The following FAM185A variants were observed in gnomAD, a reference collection of about 807,000 sequenced individuals.
The protein encoded by FAM185A is protein FAM185A.
A neutral mutation model predicts 45.7 loss-of-function variants in FAM185A; 21 were observed. The ratio of observed to expected loss-of-function variants is 0.46; its 90% CI spans 0.33 to 0.66. FAM185A has a LOEUF of 0.66. Ranked by LOEUF, FAM185A falls within the 30% of genes least tolerant of loss-of-function variation. The pLI is 0.03. For missense variants in FAM185A, 305 were observed against 485.4 expected (o/e 0.63, Z 3.49); for synonymous variants, 117 against 194.0 (o/e 0.60, Z 3.30).
intron 5 of FAM185A, among the ~76,000 whole-genome samples, chr7:102,776,099 T>TACACACACACACACACACACACATATAC (rs1360377462): frequency 3.7e-5 from 4 of 106,698 alleles, no homozygotes; most frequent in South Asian, 3.1e-4. Flanking sequence ...TTGGCTCCTA[T>TACACACACACACACACACACACATATAC]ACACACACAC....
chr7:102,758,794 C>T (rs916711023), intron 3 of FAM185A, among the ~76,000 whole-genome samples: 1 of 151,878 alleles, frequency 6.6e-6, no homozygotes, highest in Non-Finnish European at 1.5e-5. Flanking sequence ...TAGACTATAA[C>T]AGTAATTGTT....
intron 1 of FAM185A, among the ~76,000 whole-genome samples, chr7:102,750,343 T>A (rs992200278): frequency 1.3e-5 from 2 of 152,134 alleles, no homozygotes; most frequent in African/African-American, 4.8e-5. Flanking sequence ...ATGGAAGATA[T>A]TGATGATGAT....
At chr7:102,835,206 C>T in the FAM185A span, among the ~76,000 whole-genome samples, 2 of 152,152 alleles carry the variant, frequency 1.3e-5, no homozygotes, top group Admixed American at 6.5e-5. Context: ...GTATTTGACT[C>T]ATTCCTGTAC....
chr7:102,812,184 TCA>T (rs1340926921), downstream of FAM185A, among the ~76,000 whole-genome samples: 13 of 152,198 alleles, frequency 8.5e-5, no homozygotes, highest in African/African-American at 3.1e-4. Flanking sequence ...TGTGTCAACA[TCA>T]GTGTTACATA....
chr7:102,816,551 CAGA>C, the FAM185A span, among the ~76,000 whole-genome samples: 2 of 152,142 alleles, frequency 1.3e-5, no homozygotes, highest in Non-Finnish European at 2.9e-5. Flanking sequence ...AAGTGGCTGC[CAGA>C]AGGTTTTTCT....
chr7:102,814,419 G>A, the FAM185A span: 1 of 152,070 alleles, frequency 6.6e-6, no homozygotes, highest in African/African-American at 2.4e-5. Context: ...AGTTTGTGCT[G>A]AATGGCCATA....
chr7:102,785,342 A>G (rs1209110442), intron 6 of FAM185A, among the ~76,000 whole-genome samples: 1 of 150,212 alleles, frequency 6.7e-6, no homozygotes, highest in Non-Finnish European at 1.5e-5. Context: ...TAAAGTTCAT[A>G]TGGAACCAAA....
the FAM185A span, among the ~76,000 whole-genome samples, chr7:102,826,923 T>G: frequency 5.5e-5 from 8 of 146,114 alleles, no homozygotes; most frequent in Non-Finnish European, 1.0e-4. Flanking sequence ...ATGCTATATT[T>G]GGCTATTTCC....
intron 7 of FAM185A, among the ~76,000 whole-genome samples, chr7:102,797,806 A>G (rs551704323): frequency 2.0e-4 from 30 of 152,334 alleles, no homozygotes; most frequent in African/African-American, 7.0e-4. Context: ...TATTAATAAT[A>G]AGGCAGCAGC....
chr7:102,790,330 C>T (rs1018372094), intron 7 of FAM185A, among the ~76,000 whole-genome samples: 1 of 152,040 alleles, frequency 6.6e-6, no homozygotes, highest in African/African-American at 2.4e-5. Flanking sequence ...GAGTTTTTTA[C>T]CTCTATTATA....
At chr7:102,780,358 T>G (rs2430070) in intron 6 of FAM185A, among the ~76,000 whole-genome samples, 69,864 of 151,682 alleles carry the variant, frequency 0.46, 18,161 homozygotes, top group African/African-American at 0.71. Context: ...CACATAATTC[T>G]AAAAATGATT....
the FAM185A span, chr7:102,832,748 A>G: frequency 2.9e-6 from 4 of 1,403,028 alleles, no homozygotes; most frequent in Non-Finnish European, 2.8e-6. Flanking sequence ...GGCAAAGAGA[A>G]CATATTCTGA....
chr7:102,750,884 C>T (rs1468084238), intron 1 of FAM185A, among the ~76,000 whole-genome samples: 1 of 152,140 alleles, frequency 6.6e-6, no homozygotes, highest in Non-Finnish European at 1.5e-5. Flanking sequence ...GCCATTTGTC[C>T]ACAATCTTGT....
At chr7:102,774,377 C>G (rs1023213350) in intron 5 of FAM185A, among the ~76,000 whole-genome samples, 1 of 151,838 alleles carries the variant, frequency 6.6e-6, no homozygotes, top group African/African-American at 2.4e-5. Context: ...TTTTCAACTG[C>G]AAATAGAGTT....
chr7:102,793,471 A>C (rs1359765480), intron 7 of FAM185A, among the ~76,000 whole-genome samples: 2 of 151,976 alleles, frequency 1.3e-5, no homozygotes, highest in Non-Finnish European at 2.9e-5. Flanking sequence ...GGCCTCCCAA[A>C]GTGCTGGGAT....
chr7:102,832,727 A>T, the FAM185A span: 3 of 1,266,112 alleles, frequency 2.4e-6, no homozygotes, highest in Non-Finnish European at 3.1e-6. Context: ...TCCAATGAAT[A>T]CCTCAACCAT....
intron 4 of FAM185A, among the ~76,000 whole-genome samples, chr7:102,771,161 A>T (rs1794720487): frequency 6.6e-6 from 1 of 152,080 alleles, no homozygotes; most frequent in Non-Finnish European, 1.5e-5. Flanking sequence ...TAAACATTGG[A>T]TAATTATGGA....
intron 4 of FAM185A, among the ~76,000 whole-genome samples, chr7:102,771,508 T>A (rs1794740894): frequency 6.6e-6 from 1 of 152,144 alleles, no homozygotes; most frequent in Non-Finnish European, 1.5e-5. Flanking sequence ...ATCTGGCTAT[T>A]GAGTAAATGA....
chr7:102,842,947 A>G, the FAM185A span, among the ~76,000 whole-genome samples: 6 of 152,216 alleles, frequency 3.9e-5, no homozygotes, highest in African/African-American at 1.4e-4. Context: ...TGTTCTCCCA[A>G]CTATGAAGTA....
Sources: allele counts gnomAD v4.1 joint callset (sites outside exome capture counted in the v4.1 genomes callset), GRCh38; gene constraint gnomAD v4.1.1; transcripts MANE v1.5; gene names NCBI Gene and HGNC (gene_info 2026-07-23, HGNC 2026-07-21).